NEK8: variants seen among roughly 807,000 people sequenced by gnomAD.
NEK8 encodes the protein NIMA related kinase 8.
A neutral mutation model predicts 77.2 loss-of-function variants in NEK8; 51 were observed. The ratio of observed to expected loss-of-function variants is 0.66; its 90% CI spans 0.53 to 0.83. The LOEUF is 0.83. NEK8 is among the 40% of genes least tolerant of loss of function. NEK8 has a pLI of 0.00. For synonymous variants in NEK8, 365 were observed against 363.2 expected (o/e 1.00, Z -0.06); for missense variants, 787 against 909.2 (o/e 0.87, Z 1.73).
intron 3 of NEK8, 48 bp downstream of exon 3, chr17:28,735,052 C>A: frequency 6.5e-7 from 1 of 1,531,210 alleles, no homozygotes; most frequent in Non-Finnish European, 9.0e-7. Context: ...GTCTTGAGGG[C>A]CAGGACCTAA....
At chr17:28,734,270 C>G in intron 2 of NEK8, 82 bp downstream of exon 2, 1 of 1,269,128 alleles carries the variant, frequency 7.9e-7, no homozygotes, top group Non-Finnish European at 1.2e-6. Flanking sequence ...TGGCTTCCCT[C>G]CTTGGAATGG....
chr17:28,731,908 ATTTTTTTTTTTTTTTTTTTTTT>A (rs71135844), intron 1 of NEK8, among the ~76,000 whole-genome samples: 35 of 52,530 alleles, frequency 6.7e-4, no homozygotes, highest in African/African-American at 1.3e-3. Context: ...CCTGGCCCCA[ATTTTTTTTTTTTTTTTTTTTTT>A]TTTTTTTTTT....
Position 28,737,376 on chromosome 17 carries a change from A to T in NEK8, c.689A>T (p.Glu230Val). The T allele has an allele frequency of 6.2e-7, 1 of 1,613,834 alleles. No individual in the cohort carries two copies. Among genetic ancestry groups the T allele is most frequent in the Non-Finnish European group, 8.5e-7 (1 of 1,180,032 alleles). The change falls in exon 5 of 15, where the codon GAG becomes GTG. Residue 230 changes from glutamate (E) to valine (V), a missense_variant. Glu to Val is a moderately radical substitution (Grantham distance 121, BLOSUM62 -2). Transcript: ENST00000268766. The surrounding 1 kb of genome is among the most constrained non-coding windows in gnomAD (Gnocchi z 4.8). ...CCTATCTCTGACCGGTACAGCCCTG[A>T]GCTTCGCCAGCTGGTCCTGAGTCTA... ...FAPISDRYSP[E>V]LRQLVLSLLS...
Position 28,737,988 on chromosome 17 carries a change from C to T in NEK8, c.1059C>T (p.Leu353=). 3 of 1,612,096 alleles carry T rather than the reference C, an allele frequency of 1.9e-6. No homozygotes were observed. The highest frequency in any genetic ancestry group is 1.7e-4 in the Middle Eastern group (1 of 6,024). Residue 353 remains leucine (L), a synonymous_variant, in exon 7 of 15, where the codon CTC becomes CTT. Coordinates refer to ENST00000268766, the MANE Select transcript of NEK8 (RefSeq NM_178170.3). This position sits in a 1 kb window ranked among gnomAD's most constrained non-coding sequence, Gnocchi z 4.8. ...CCGGCGTCACGCGCTCTGGGCGTCTCATCCTGTGGGAGGTGAGCAGGCCAG... is the reference window on the plus strand; with the variant it reads ...CCGGCGTCACGCGCTCTGGGCGTCTTATCCTGTGGGAGGTGAGCAGGCCAG... ...QKAGVTRSGR[L]ILWEAPPLGA...
At chr17:28,735,950 C>T (rs569826212) in intron 4 of NEK8, among the ~76,000 whole-genome samples, 4 of 134,594 alleles carry the variant, frequency 3.0e-5, no homozygotes, top group East Asian at 2.5e-4. Context: ...CAACAGGCCC[C>T]GGTGTGTGAT....
At chr17:28,736,745 C>G (rs1247143761) in intron 4 of NEK8, among the ~76,000 whole-genome samples, 1 of 152,128 alleles carries the variant, frequency 6.6e-6, no homozygotes, top group Non-Finnish European at 1.5e-5. Flanking sequence ...ATGGTAGTTT[C>G]TTTTGCTGTG....
Position 28,741,923 on chromosome 17 carries a change from CAG to C in NEK8, c.2051-34_2051-33del, listed in dbSNP as rs1334128522. ...TGATGATTTCTGGAGGCACTGCCCT[CAG>C]AAGCTGCAAGGGTTTCTCTTCGGTA... On this transcript the variant is annotated intron_variant, in intron 14 of 14. Coordinates refer to ENST00000268766, the MANE Select transcript of NEK8 (RefSeq NM_178170.3). The surrounding 1 kb of genome is among the most constrained non-coding windows in gnomAD (Gnocchi z 4.5). 6.2e-7 allele frequency: 1 copy of C among 1,613,210 alleles called. No individual in the cohort carries two copies. The highest frequency in any genetic ancestry group is 1.3e-5 in the African/African-American group (1 of 74,882).
Position 28,737,552 on chromosome 17 carries a change from G to C in NEK8, c.827+38G>C, listed in dbSNP as rs747290347. ...ACAGCGAGCGGTCCTGGGCGGCAGG[G>C]TGTGGGCACCCAGTGGGAGCACAGG... On this transcript the variant is annotated intron_variant, in intron 5 of 14. Coordinates refer to ENST00000268766, the MANE Select transcript of NEK8 (RefSeq NM_178170.3). This position sits in a 1 kb window ranked among gnomAD's most constrained non-coding sequence, Gnocchi z 4.8. The C allele has an allele frequency of 6.2e-6, 10 of 1,612,844 alleles. No homozygotes were observed. Among genetic ancestry groups the C allele is most frequent in the Non-Finnish European group, 8.5e-6 (10 of 1,179,526 alleles).
chr17:28,741,554 C>T lies in NEK8; in HGVS notation c.2033C>T (p.Thr678Ile). 6.2e-7 allele frequency: 1 copy of T among 1,614,136 alleles called. No homozygotes were observed. Among genetic ancestry groups the T allele is most frequent in the Non-Finnish European group, 8.5e-7 (1 of 1,180,000 alleles). Residue 678 changes from threonine to isoleucine, a missense_variant, in exon 14 of 15, where the codon ACC becomes ATC. Transcript: ENST00000268766. This position sits in a 1 kb window ranked among gnomAD's most constrained non-coding sequence, Gnocchi z 4.5. The part of the protein sequence containing the change: ...VTSVSCCHGN[T>I]LLAVRSVTDE... ...TCCGTGTCCTGTTGCCATGGAAACA[C>T]CCTCCTGGCTGTTCGATGTGAGTTG...
At chr17:28,729,050 C>T (rs1340487420) in intron 1 of NEK8, among the ~76,000 whole-genome samples, 190 bp downstream of exon 1, 1 of 152,264 alleles carries the variant, frequency 6.6e-6, no homozygotes, top group East Asian at 1.9e-4. Flanking sequence ...CCCTGACAGG[C>T]CCATTGCTCC....
At chr17:28,729,822 A>C (rs1449930539) in intron 1 of NEK8, among the ~76,000 whole-genome samples, 1 of 152,236 alleles carries the variant, frequency 6.6e-6, no homozygotes, top group Non-Finnish European at 1.5e-5. Flanking sequence ...CTGGAATTAC[A>C]GGCGTGAGCC....
chr17:28,731,967 A>G (rs1268027258), intron 1 of NEK8, among the ~76,000 whole-genome samples: 16 of 75,748 alleles, frequency 2.1e-4, no homozygotes, highest in African/African-American at 2.6e-4. Context: ...GTCTTGCTCT[A>G]TCTTCTAGGC....
Position 28,728,795 on chromosome 17 carries a change from T to C in NEK8, c.-19T>C. 6.4e-7 allele frequency: 1 copy of C among 1,550,500 alleles called. No individual in the cohort carries two copies. Among genetic ancestry groups the C allele is most frequent in the Non-Finnish European group, 8.7e-7 (1 of 1,146,156 alleles). On this transcript the variant is annotated 5_prime_UTR_variant, in exon 1 of 15. Transcript: ENST00000268766. Reference sequence around the variant, plus strand: ...GCACGCGCCGCGTGGGGGACGGAAGTGAAACTCTAAGAAATGAGATGGAGA... The same window carrying C: ...GCACGCGCCGCGTGGGGGACGGAAGCGAAACTCTAAGAAATGAGATGGAGA...
Position 28,734,022 on chromosome 17 carries a change from G to A in NEK8, c.87G>A (p.Leu29=). Residue 29 remains leucine (L), a synonymous_variant, in exon 2 of 15, where the codon CTG becomes CTA. Coordinates refer to ENST00000268766, the MANE Select transcript of NEK8 (RefSeq NM_178170.3). ...GCCTGCGAAAGGCTGACCAGAAGCT[G>A]GTGATCATCAAGCAGATTCCAGTGG... ...HLCLRKADQK[L]VIIKQIPVEQ... 1 of 1,614,242 alleles carries A rather than the reference G, an allele frequency of 6.2e-7. No individual in the cohort carries two copies.
At chr17:28,729,193 TACTG>T (rs775478677) in intron 1 of NEK8, among the ~76,000 whole-genome samples, 25 of 152,382 alleles carry the variant, frequency 1.6e-4, no homozygotes, top group Admixed American at 4.6e-4. Context: ...TCTTGGAACT[TACTG>T]ACTGTGGGAA....
rs546209952 is a variant in NEK8 at position 28,740,251 on chromosome 17, T to C, written c.1418-212T>C. On this transcript the variant is annotated intron_variant, in intron 10 of 14. Coordinates refer to ENST00000268766, the MANE Select transcript of NEK8 (RefSeq NM_178170.3). This position sits in a 1 kb window ranked among gnomAD's most constrained non-coding sequence, Gnocchi z 4.7. ...GTGAGTGAAGATCATACCCTTGTAC[T>C]CCAGCCTTGGCGACAGAGTGAGACT... Among the ~76,000 whole-genome samples the C allele has an allele frequency of 6.6e-6, 1 of 152,048 alleles. No individual in the cohort carries two copies. The highest frequency in any genetic ancestry group is 1.9e-4 in the East Asian group (1 of 5,186).
chr17:28,733,878 C>A, intron 1 of NEK8, 105 bp from the exon 2 acceptor site: 1 of 923,706 alleles, frequency 1.1e-6, no homozygotes, highest in Non-Finnish European at 1.7e-6. Context: ...ACCTCTCAGT[C>A]TAGAACCCTC....
chr17:28,737,255 T>A lies in NEK8; in HGVS notation c.619-51T>A, dbSNP rs2034373762. On this transcript the variant is annotated intron_variant, in intron 4 of 14. Transcript: ENST00000268766. The surrounding 1 kb of genome is among the most constrained non-coding windows in gnomAD (Gnocchi z 4.8). ...ATCCCAGGAGACCAGGGGCTGGAGC[T>A]GGGGGGTGCTGCCCTCACTTCCCCA... 2 of 1,553,334 alleles carry A rather than the reference T, an allele frequency of 1.3e-6. No individual in the cohort carries two copies. The highest frequency in any genetic ancestry group is 4.7e-5 in the East Asian group (2 of 42,304).
chr17:28,734,948 A>T lies in NEK8; in HGVS notation c.430A>T (p.Lys144Ter). The change falls in exon 3 of 15, where the codon AAG becomes TAG. Residue 144 changes from lysine to a stop codon, truncating the protein, a stop_gained. Transcript: ENST00000268766. LOFTEE classifies it high-confidence loss of function. ...GCTTGACAAACACCGCATGGTCGTCAAGATCGGTGATTTCGGCATCTCCAA... is the reference window on the plus strand; with the variant it reads ...GCTTGACAAACACCGCATGGTCGTCTAGATCGGTGATTTCGGCATCTCCAA... ...ILLDKHRMVV[K>*]IGDFGISKIL... is the part of the protein sequence containing the mutation. 6.2e-7 allele frequency: 1 copy of T among 1,613,556 alleles called. No individual in the cohort carries two copies. Among genetic ancestry groups the T allele is most frequent in the Non-Finnish European group, 8.5e-7 (1 of 1,180,010 alleles).
Sources: gnomAD v4.1 joint callset for allele counts (sites outside exome capture counted in the v4.1 genomes callset) on GRCh38, gnomAD v4.1.1 for gene constraint, Gnocchi (gnomAD v3.1) non-coding constraint, MANE v1.5 for transcripts, NCBI Gene and HGNC (gene_info 2026-07-23, HGNC 2026-07-21) for gene names.